Variants in RPRD2 observed in about 807,000 individuals in gnomAD.
RPRD2 encodes the protein regulation of nuclear pre-mRNA domain-containing protein 2.
A neutral mutation model predicts 104.4 loss-of-function variants in RPRD2; 12 were observed. The observed-to-expected ratio is 0.11, with a 90% CI of 0.07 to 0.19. The LOEUF (loss-of-function observed/expected upper bound fraction) is 0.19. Ranked by LOEUF, RPRD2 falls within the 10% of genes least tolerant of loss-of-function variation. The probability of loss-of-function intolerance (pLI) is 1.00; values close to 1 mark genes in which losing one functional copy is unlikely to be tolerated. For missense variants in RPRD2, 1,543 were observed against 1,790.1 expected (o/e 0.86, Z 2.49); for synonymous variants, 714 against 684.9 (o/e 1.04, Z -0.66).
chr1:150,379,451 A>G (rs749983960), intron 1 of RPRD2, among the ~76,000 whole-genome samples: 1 of 151,526 alleles, frequency 6.6e-6, no homozygotes, highest in Non-Finnish European at 1.5e-5. Flanking sequence ...TACCTAGGCT[A>G]GAGTGCAATG....
intron 2 of RPRD2, among the ~76,000 whole-genome samples, chr1:150,419,568 G>T (rs1202852356): frequency 6.6e-6 from 1 of 152,126 alleles, no homozygotes; most frequent in Non-Finnish European, 1.5e-5. Flanking sequence ...TATACAAAGT[G>T]CTTTATCATT....
intron 9 of RPRD2, among the ~76,000 whole-genome samples, chr1:150,461,483 T>G (rs1553898823): frequency 6.6e-6 from 1 of 152,362 alleles, no homozygotes; most frequent in South Asian, 2.1e-4. Flanking sequence ...TTTTAATAGC[T>G]GCATAGCATG....
intron 1 of RPRD2, among the ~76,000 whole-genome samples, chr1:150,398,953 A>C (rs1164197276): frequency 6.6e-6 from 1 of 152,202 alleles, no homozygotes; most frequent in Non-Finnish European, 1.5e-5. Context: ...CCTTTAATTC[A>C]AAGTCATAAA....
intron 1 of RPRD2, among the ~76,000 whole-genome samples, chr1:150,400,862 C>T (rs1387869746): frequency 6.6e-6 from 1 of 151,678 alleles, no homozygotes; most frequent in East Asian, 1.9e-4. Context: ...TTTTATTGAG[C>T]CTTTCATAGT....
intron 2 of RPRD2, among the ~76,000 whole-genome samples, chr1:150,435,705 T>C (rs1249413744): frequency 3.3e-5 from 5 of 152,202 alleles, no homozygotes; most frequent in Non-Finnish European, 7.3e-5. Flanking sequence ...AAGTCATCTC[T>C]ATAACACAAA....
chr1:150,470,610 T>G lies in RPRD2; in HGVS notation c.1662T>G (p.Ser554Arg). 6.2e-7 allele frequency: 1 copy of G among 1,613,910 alleles called. No individual in the cohort carries two copies. Among genetic ancestry groups the G allele is most frequent in the East Asian group, 2.2e-5 (1 of 44,882 alleles). The change falls in exon 11 of 11, where the codon AGT (serine) becomes AGG (arginine). Residue 554 changes from serine to arginine, a missense_variant. Ser to Arg is a moderately radical substitution (Grantham distance 110). Coordinates refer to ENST00000369068, the MANE Select transcript of RPRD2 (RefSeq NM_015203.5). ...QSVTGNPVPASEAASQSTSAS... is the reference protein window; with the variant it reads ...QSVTGNPVPAREAASQSTSAS... ...TTACTGGGAACCCAGTTCCAGCCAG[T>G]GAAGCTGCCTCACAGAGCACTTCAG...
intron 1 of RPRD2, among the ~76,000 whole-genome samples, chr1:150,392,048 A>T (rs1393621810): frequency 1.3e-5 from 2 of 151,710 alleles, no homozygotes; most frequent in African/African-American, 4.8e-5. Context: ...AAATTGAAAA[A>T]AATTAGCCAG....
At position 150,452,661 on chromosome 1, in the gene RPRD2, C is replaced by CCTTTTTTTTTTTTTTTTTTT. The variant is rs1553896876; in HGVS notation, c.871-4627_871-4626insCTTTTTTTTTTTTTTTTTTT. On this transcript the variant is annotated intron_variant, in intron 7 of 10. Coordinates refer to ENST00000369068, the MANE Select transcript of RPRD2 (RefSeq NM_015203.5). ...TTTCTGTGTTCTTTTGACATATCCC[C>CCTTTTTTTTTTTTTTTTTTT]TTTTTTTTTTTTTTTTTTTTTTTTT... 2.8e-5 allele frequency among the ~76,000 whole-genome samples: 2 copies of CCTTTTTTTTTTTTTTTTTTT among 71,220 alleles called. 1 individual carries two copies. Among genetic ancestry groups the CCTTTTTTTTTTTTTTTTTTT allele is most frequent in the African/African-American group, 1.1e-4 (2 of 17,432 alleles). 46.7% of individuals were successfully genotyped at this position (71,220 alleles called of 152,430 possible).
intron 1 of RPRD2, among the ~76,000 whole-genome samples, chr1:150,389,942 G>A (rs1433798415): frequency 3.9e-5 from 6 of 152,126 alleles, no homozygotes; most frequent in Admixed American, 1.3e-4. Flanking sequence ...CCCCAGAAAC[G>A]TTGAAAAGCC....
At chr1:150,402,599 C>A (rs868992724) in intron 1 of RPRD2, among the ~76,000 whole-genome samples, 8 of 152,042 alleles carry the variant, frequency 5.3e-5, no homozygotes, top group Non-Finnish European at 1.2e-4. Context: ...TCACTTAAGC[C>A]CAAGAGGTTG....
chr1:150,463,203 GTCCCAGCTAC>G (rs1668053628), intron 9 of RPRD2, among the ~76,000 whole-genome samples: 1 of 152,072 alleles, frequency 6.6e-6, no homozygotes, highest in African/African-American at 2.4e-5. Flanking sequence ...ATACCGTGTA[GTCCCAGCTAC>G]TCGGGAGGCA....
At chr1:150,451,255 G>C (rs1211096143) in intron 7 of RPRD2, among the ~76,000 whole-genome samples, 1 of 152,138 alleles carries the variant, frequency 6.6e-6, no homozygotes, top group Non-Finnish European at 1.5e-5. Flanking sequence ...GTTTCGTCTT[G>C]TCAGATGGCA....
intron 7 of RPRD2, among the ~76,000 whole-genome samples, chr1:150,449,334 T>C (rs1667002872): frequency 6.6e-6 from 1 of 152,206 alleles, no homozygotes; most frequent in Non-Finnish European, 1.5e-5. Flanking sequence ...TTTATTGTTA[T>C]GTTTTGATCT....
intron 2 of RPRD2, among the ~76,000 whole-genome samples, chr1:150,436,252 A>C (rs187025275): frequency 6.6e-6 from 1 of 152,258 alleles, no homozygotes; most frequent in Non-Finnish European, 1.5e-5. Flanking sequence ...CTAACACAAC[A>C]TTTATTCTGC....
intron 1 of RPRD2, among the ~76,000 whole-genome samples, chr1:150,405,417 G>T (rs375403669): frequency 4.2e-5 from 6 of 143,180 alleles, no homozygotes; most frequent in South Asian, 2.2e-4. Context: ...ATTTTTTTTT[G>T]GTAAATAGCC....
At chr1:150,440,873 A>G in intron 2 of RPRD2, 50 bp from the exon 3 acceptor site, 1 of 832,028 alleles carries the variant, frequency 1.2e-6, no homozygotes, top group Non-Finnish European at 1.9e-6. Context: ...TCTAGTTTGG[A>G]GTAGAAGTCA....
At chr1:150,380,210 A>G (rs1230956403) in intron 1 of RPRD2, among the ~76,000 whole-genome samples, 1 of 152,134 alleles carries the variant, frequency 6.6e-6, no homozygotes, top group African/African-American at 2.4e-5. Context: ...TTAGAAGGAC[A>G]TTTTCTCAGA....
intron 8 of RPRD2, 31 bp from the exon 9 acceptor site, chr1:150,460,029 G>A (rs782016399): frequency 6.8e-6 from 11 of 1,607,282 alleles, no homozygotes; most frequent in Non-Finnish European, 6.8e-6. Flanking sequence ...AAAGTAGTAG[G>A]ATGTAATATC....
intron 1 of RPRD2, among the ~76,000 whole-genome samples, chr1:150,410,775 C>G (rs1278316587): frequency 6.6e-6 from 1 of 152,162 alleles, no homozygotes; most frequent in Non-Finnish European, 1.5e-5. Flanking sequence ...TAACAAAATA[C>G]CACAGACTGG....
Sources: allele counts gnomAD v4.1 joint callset (sites outside exome capture counted in the v4.1 genomes callset), GRCh38; gene constraint gnomAD v4.1.1; transcripts MANE v1.5; gene names NCBI Gene and HGNC (gene_info 2026-07-23, HGNC 2026-07-21).